Variants in GPRC6A observed in about 807,000 individuals in gnomAD.
GPRC6A encodes G protein-coupled receptor family C group 6 member A.
In GPRC6A, 54 loss-of-function variants were observed where a neutral mutation model predicts 47.0. The observed-to-expected ratio is 1.15, with a 90% CI of 0.92 to 1.44. The LOEUF (loss-of-function observed/expected upper bound fraction) is 1.44, where lower values mean the gene tolerates loss of function less well. GPRC6A is among the 40% of genes most tolerant of loss of function. GPRC6A has a pLI of 0.00. For synonymous variants in GPRC6A, 347 were observed against 377.1 expected, an observed-to-expected ratio of 0.92 and a Z score of 0.93; for missense variants, 1,112 against 1,105.5, an observed-to-expected ratio of 1.01 and a Z score of -0.08.
intron 1 of GPRC6A, among the ~76,000 whole-genome samples, chr6:116,820,022 G>A (rs1258660035): frequency 1.3e-5 from 2 of 150,540 alleles, no homozygotes; most frequent in Admixed American, 1.3e-4. Flanking sequence ...AATGATAAAA[G>A]GGATATCACC....
intron 1 of GPRC6A, among the ~76,000 whole-genome samples, chr6:116,821,636 C>T (rs1411181615): frequency 2.6e-5 from 4 of 152,088 alleles, no homozygotes; most frequent in Admixed American, 1.3e-4. Context: ...ATAAATGGTG[C>T]TGGGAAAACT....
rs747253095 is a variant in GPRC6A, at chr6:116,792,470, A to G, written c.2453T>C (p.Ile818Thr). 1 of 1,613,778 alleles carries G rather than the reference A, an allele frequency of 6.2e-7. No homozygotes were observed. The change falls in exon 6 of 6, where the codon ATA (isoleucine) becomes ACA (threonine). Residue 818 changes from isoleucine (I) to threonine (T), a missense_variant. Coordinates refer to ENST00000310357, the MANE Select transcript of GPRC6A (RefSeq NM_148963.4). ...CAGGATTCCATAGTTAGATATTAAT[A>G]TGACAATAATCTCCACAGCTGGTAC... Reference protein sequence around the residue: ...KYVPAVEIIVILISNYGILYC... With the variant: ...KYVPAVEIIVTLISNYGILYC...
chr6:116,799,800 G>C (rs1201662575), intron 4 of GPRC6A, among the ~76,000 whole-genome samples: 1 of 151,932 alleles, frequency 6.6e-6, no homozygotes, highest in African/African-American at 2.4e-5. Context: ...AAGGAGAGAG[G>C]GTATAAAATT....
At chr6:116,819,699 A>C (rs1773386272) in intron 1 of GPRC6A, among the ~76,000 whole-genome samples, 1 of 152,172 alleles carries the variant, frequency 6.6e-6, no homozygotes, top group Admixed American at 6.5e-5. Flanking sequence ...TCTGGGACAC[A>C]TTCAAAGCAG....
Position 116,800,645 on chromosome 6 carries a change from AG to A in GPRC6A, c.1486del (p.Leu496TyrfsTer36). 1 of 1,613,536 alleles carries A rather than the reference AG, an allele frequency of 6.2e-7. No homozygotes were observed. On this transcript the variant is annotated frameshift_variant, in exon 4 of 6. Transcript: ENST00000310357. LOFTEE classifies it high-confidence loss of function. The stretch of plus-strand genomic sequence containing the variant: ...TGGGATGATGAAGACATCATTCTGT[AG>A]GTCATATTCTGCCATCTTAGTGACA... Reference protein sequence around the residue: ...MTVTKMAEYDLQNDVFIIPDQ... With the variant: ...MTVTKMAEYDXQNDVFIIPDQ...
intron 1 of GPRC6A, among the ~76,000 whole-genome samples, chr6:116,820,104 C>G (rs1214511758): frequency 6.7e-6 from 1 of 149,148 alleles, no homozygotes; most frequent in Non-Finnish European, 1.5e-5. Flanking sequence ...ACTAGAAAAT[C>G]TAGAAGAAAT....
chr6:116,810,469 A>AT (rs1418242185), intron 1 of GPRC6A, among the ~76,000 whole-genome samples: 1 of 151,964 alleles, frequency 6.6e-6, no homozygotes, highest in Non-Finnish European at 1.5e-5. Flanking sequence ...GCCAGATTAA[A>AT]TTTTTTGCTA....
At chr6:116,798,963 G>C (rs1489347529) in intron 4 of GPRC6A, among the ~76,000 whole-genome samples, 1 of 151,974 alleles carries the variant, frequency 6.6e-6, no homozygotes, top group Non-Finnish European at 1.5e-5. Context: ...TGGGTGAGAA[G>C]TGATTGTAAC....
intron 1 of GPRC6A, among the ~76,000 whole-genome samples, chr6:116,817,219 G>A (rs536784154): frequency 6.6e-6 from 1 of 152,092 alleles, no homozygotes; most frequent in Non-Finnish European, 1.5e-5. Flanking sequence ...CCTCAAGTGG[G>A]TCCCTGACCC....
At chr6:116,804,262 A>G (rs2114591469) in intron 3 of GPRC6A, among the ~76,000 whole-genome samples, 1 of 152,210 alleles carries the variant, frequency 6.6e-6, no homozygotes, top group Middle Eastern at 3.4e-3. Context: ...GTCCCTGAGT[A>G]TGGCTCACAA....
rs770013360 is a variant in GPRC6A at position 116,793,098 on chromosome 6, G to T, written c.1825C>A (p.Leu609Met). The change falls in exon 6 of 6, where the codon CTG becomes ATG. Residue 609 changes from leucine (L) to methionine (M), a missense_variant. Physicochemically the swap from Leu to Met is conservative, Grantham distance 15 (BLOSUM62 2). Transcript: ENST00000310357. ...CTTGTAAATATTATGCCAACAACCA[G>T]AACAAATATGATTCCCAGTAGGGAG... ...ILSLLGIIFV[L>M]VVGIIFTRNL... 1.2e-6 allele frequency: 2 copies of T among 1,613,964 alleles called. No homozygotes were observed. The highest frequency in any genetic ancestry group is 2.2e-5 in the South Asian group (2 of 91,076).
chr6:116,800,100 T>C (rs542172269), intron 4 of GPRC6A, among the ~76,000 whole-genome samples: 9 of 152,206 alleles, frequency 5.9e-5, no homozygotes, highest in Non-Finnish European at 1.2e-4. Flanking sequence ...ACTAGGGCAA[T>C]AATCTGATTG....
Position 116,806,780 on chromosome 6 carries a change from T to A in GPRC6A, c.925A>T (p.Thr309Ser). 6.2e-7 allele frequency: 1 copy of A among 1,613,706 alleles called. No homozygotes were observed. The change falls in exon 3 of 6, where the codon ACC (threonine) becomes TCC (serine). Residue 309 changes from threonine (T) to serine (S), a missense_variant. Transcript: ENST00000310357. ...ACATTAGGAATGGTGGTAATCTTGG[T>A]GGCAGTTGACCAATTATCACTAGCA... is the stretch of plus-strand genomic sequence containing the variant. ...WIASDNWSTA[T>S]KITTIPNVKK...
At chr6:116,796,220 A>T (rs940272475) in intron 4 of GPRC6A, among the ~76,000 whole-genome samples, 3 of 152,150 alleles carry the variant, frequency 2.0e-5, no homozygotes, top group Non-Finnish European at 4.4e-5. Context: ...AGATTTTTAT[A>T]ATCTTTGAAA....
intron 1 of GPRC6A, 23 bp downstream of exon 1, chr6:116,828,797 C>T (rs935685154): frequency 8.2e-6 from 13 of 1,588,154 alleles, no homozygotes; most frequent in Non-Finnish European, 1.1e-5. Context: ...GAAATCTAAA[C>T]GTGTTTTTTG....
chr6:116,824,129 G>A (rs1773598244), intron 1 of GPRC6A, among the ~76,000 whole-genome samples: 1 of 151,888 alleles, frequency 6.6e-6, no homozygotes, highest in Admixed American at 6.6e-5. Context: ...ATATAGCAAT[G>A]AACATCTACA....
Position 116,793,073 on chromosome 6 carries a change from C to T in GPRC6A, c.1850G>A (p.Arg617Lys), listed in dbSNP as rs775948980. The change falls in exon 6 of 6, where the codon AGA (arginine) becomes AAA (lysine). Residue 617 changes from arginine to lysine, a missense_variant. Transcript: ENST00000310357. ...FVLVVGIIFT[R>K]NLNTPVVKSS... ...TTTCACAACAGGTGTGTTCAGGTTT[C>T]TTGTAAATATTATGCCAACAACCAG... is the stretch of plus-strand genomic sequence containing the variant. 6.2e-7 allele frequency: 1 copy of T among 1,613,878 alleles called. No homozygotes were observed. The highest frequency in any genetic ancestry group is 8.5e-7 in the Non-Finnish European group (1 of 1,179,872).
chr6:116,797,134 T>A (rs1211946649), intron 4 of GPRC6A, among the ~76,000 whole-genome samples: 1 of 151,528 alleles, frequency 6.6e-6, no homozygotes, highest in African/African-American at 2.4e-5. Flanking sequence ...ATATGAGGTG[T>A]TTGGTTTTTT....
chr6:116,809,820 G>C (rs1014029863), intron 1 of GPRC6A, among the ~76,000 whole-genome samples: 1 of 152,056 alleles, frequency 6.6e-6, no homozygotes, highest in Non-Finnish European at 1.5e-5. Context: ...CTTAAAAGGA[G>C]TCTATGCTAC....
Sources: allele counts gnomAD v4.1 joint callset (sites outside exome capture counted in the v4.1 genomes callset), GRCh38; gene constraint gnomAD v4.1.1; transcripts MANE v1.5; gene names NCBI Gene and HGNC (gene_info 2026-07-23, HGNC 2026-07-21).